GLB1L2: variants seen among roughly 807,000 people sequenced by gnomAD.
GLB1L2 encodes beta-galactosidase-1-like protein 2.
GLB1L2 carries 68 observed loss-of-function variants against 84.1 expected under a neutral mutation model. The observed-to-expected ratio is 0.81, with a 90% CI of 0.67 to 0.99. The LOEUF (loss-of-function observed/expected upper bound fraction) is 0.99, where lower values mean the gene tolerates loss of function less well. Ranked by LOEUF, GLB1L2 falls within the 50% of genes least tolerant of loss-of-function variation. The pLI is 0.00. For missense variants in GLB1L2, 762 were observed against 805.6 expected, an observed-to-expected ratio of 0.95 and a Z score of 0.66; for synonymous variants, 290 against 318.0, an observed-to-expected ratio of 0.91 and a Z score of 0.94.
intron 17 of GLB1L2, 127 bp from the exon 18 acceptor site, chr11:134,374,475 A>G (rs1943998802): frequency 1.2e-6 from 1 of 807,246 alleles, no homozygotes; most frequent in Non-Finnish European, 2.1e-6. Context: ...CCACCTGCCC[A>G]CCCTCATGGC....
intron 8 of GLB1L2, among the ~76,000 whole-genome samples, chr11:134,366,257 CCTT>C (rs1247017664): frequency 1.2e-4 from 18 of 152,198 alleles, no homozygotes; most frequent in Admixed American, 3.3e-4. Context: ...TGGTATGTCT[CCTT>C]CTTGGAAGGT....
intron 10 of GLB1L2, 133 bp downstream of exon 10, chr11:134,368,914 T>TCTA: frequency 3.3e-6 from 3 of 908,390 alleles, no homozygotes; most frequent in Non-Finnish European, 5.0e-6. Flanking sequence ...GAGAAGGTAC[T>TCTA]TGCCTGGACA....
In GLB1L2 at chr11:134,373,733, ATC is replaced by A. The variant is rs1177935850; in HGVS notation, c.1524_1525del (p.Tyr509SerfsTer3). 6.2e-7 allele frequency: 1 copy of A among 1,611,350 alleles called. No individual in the cohort carries two copies. Among genetic ancestry groups the A allele is most frequent in the Admixed American group, 1.7e-5 (1 of 59,844 alleles). Reference sequence around the variant, plus strand: ...CTCCCTCCCACAGGCTTAATTGGAAATCTCTATCTGAATGATTCACCCCTGAA... The same window carrying A: ...CTCCCTCCCACAGGCTTAATTGGAAATCTATCTGAATGATTCACCCCTGAA... On this transcript the variant is annotated frameshift_variant, in exon 16 of 19. Transcript: ENST00000535456. LOFTEE classifies it high-confidence loss of function.
chr11:134,366,482 A>G (rs996348951), intron 8 of GLB1L2, among the ~76,000 whole-genome samples: 4 of 152,286 alleles, frequency 2.6e-5, no homozygotes, highest in Admixed American at 2.0e-4. Context: ...CTGTCACTGA[A>G]TAAGTGAGGA....
chr11:134,371,278 C>T (rs891545421), intron 13 of GLB1L2, 130 bp downstream of exon 13: 12 of 1,291,048 alleles, frequency 9.3e-6, no homozygotes, highest in South Asian at 7.3e-5. Flanking sequence ...GCTCTGTGAG[C>T]CTTCAGGGGG....
chr11:134,341,750 G>T (rs372600412), intron 1 of GLB1L2, among the ~76,000 whole-genome samples: 10 of 152,198 alleles, frequency 6.6e-5, no homozygotes, highest in African/African-American at 2.2e-4. Flanking sequence ...CGATGTCCGA[G>T]CTGTCTTCTG....
Position 134,334,952 on chromosome 11 carries a change from TA to T in GLB1L2, c.86+2808del, listed in dbSNP as rs1344121819. Among the ~76,000 whole-genome samples the T allele has an allele frequency of 6.6e-6, 1 of 152,132 alleles. No homozygotes were observed. Among genetic ancestry groups the T allele is most frequent in the Non-Finnish European group, 1.5e-5 (1 of 68,034 alleles). On this transcript the variant is annotated intron_variant, in intron 1 of 18. Transcript: ENST00000535456. The surrounding 1 kb of genome is among the most constrained non-coding windows in gnomAD (Gnocchi z 4.1). ...CTCATTCATGATTTTTTCCTTAATATAAATGAATCACCGAGCAAGAATACAG... is the reference window on the plus strand; with the variant it reads ...CTCATTCATGATTTTTTCCTTAATATAATGAATCACCGAGCAAGAATACAG...
rs530304754 is a variant in GLB1L2, at chr11:134,370,449, C to A, written c.1215+50C>A. 2.3e-5 allele frequency: 33 copies of A among 1,454,118 alleles called. No homozygotes were observed. The highest frequency in any genetic ancestry group is 8.4e-5 in the Admixed American group (5 of 59,542). The allele number at this position is 1,454,118 out of a possible 1,614,324, so 90.1% of individuals were successfully genotyped here. ...GAGGTGAGTGAGTGCCGGGGGCAGT[C>A]GTTGGCAGGGAGGTGAGTGCTGGGG... On this transcript the variant is annotated intron_variant, in intron 12 of 18. Transcript: ENST00000535456. This position sits in a 1 kb window ranked among gnomAD's most constrained non-coding sequence, Gnocchi z 4.7.
At chr11:134,355,319 T>C (rs1258136154) in intron 5 of GLB1L2, among the ~76,000 whole-genome samples, 1 of 152,236 alleles carries the variant, frequency 6.6e-6, no homozygotes, top group Non-Finnish European at 1.5e-5. Flanking sequence ...GGTGTGTGTG[T>C]TTCTTCAGAT....
rs749450445 is a variant in GLB1L2, at chr11:134,342,775, C to G, written c.108C>G (p.Val36=). Residue 36 remains valine (V), a synonymous_variant, in exon 2 of 19, where the codon GTC becomes GTG. Transcript: ENST00000535456. ...CCAGGCTGGACTGGAGCACCCTGGTCCCTCTGCGGCTCCGCCATCGACAGC... is the reference window on the plus strand; with the variant it reads ...CCAGGCTGGACTGGAGCACCCTGGTGCCTCTGCGGCTCCGCCATCGACAGC... ...VLRRLDWSTL[V]PLRLRHRQLG... 6.2e-7 allele frequency: 1 copy of G among 1,613,922 alleles called. No homozygotes were observed. Among genetic ancestry groups the G allele is most frequent in the East Asian group, 2.2e-5 (1 of 44,864 alleles).
At position 134,375,110 on chromosome 11, in the gene GLB1L2, G is replaced by T. The variant is rs751687426; in HGVS notation, c.*52G>T. 12 of 1,482,058 alleles carry T rather than the reference G, an allele frequency of 8.1e-6. No homozygotes were observed. The highest frequency in any genetic ancestry group is 1.1e-5 in the Non-Finnish European group (12 of 1,069,456). 91.8% of individuals were successfully genotyped at this position (1,482,058 alleles called of 1,614,324 possible). On this transcript the variant is annotated 3_prime_UTR_variant, in exon 19 of 19. Coordinates refer to ENST00000535456, the MANE Select transcript of GLB1L2 (RefSeq NM_001370461.1). ...CAGTGGGAGACTGCCGCCTCCTCTT[G>T]ACCTGAAGCCTGGTGGCTGCTGCCC... is the stretch of plus-strand genomic sequence containing the variant.
chr11:134,353,352 G>A (rs1943658711), intron 5 of GLB1L2, among the ~76,000 whole-genome samples: 1 of 152,182 alleles, frequency 6.6e-6, no homozygotes, highest in Non-Finnish European at 1.5e-5. Flanking sequence ...GGAGGTTGCA[G>A]TGAGCCAAGA....
chr11:134,371,314 C>T, intron 13 of GLB1L2, 107 bp from the exon 14 acceptor site: 1 of 1,193,486 alleles, frequency 8.4e-7, no homozygotes, highest in African/African-American at 1.5e-5. Flanking sequence ...TGCCCACTGG[C>T]CCCTCGTCTG....
intron 6 of GLB1L2, 80 bp from the exon 7 acceptor site, chr11:134,358,980 C>G (rs889109293): frequency 1.1e-5 from 11 of 979,414 alleles, no homozygotes; most frequent in Non-Finnish European, 1.7e-5. Context: ...GCTCTTCAGG[C>G]TACCCAACTG....
At chr11:134,371,247 G>T in intron 13 of GLB1L2, 99 bp downstream of exon 13, 1 of 1,453,896 alleles carries the variant, frequency 6.9e-7, no homozygotes, top group South Asian at 1.2e-5. Flanking sequence ...ACCAGTGTGT[G>T]ACAATGGCCC....
chr11:134,344,770 C>T (rs1007453860), intron 3 of GLB1L2, among the ~76,000 whole-genome samples: 1 of 152,256 alleles, frequency 6.6e-6, no homozygotes, highest in African/African-American at 2.4e-5. Context: ...GCTAGCAAGG[C>T]TATGGGGTCA....
In GLB1L2 at chr11:134,374,127, T is replaced by A. The variant is rs774063024; in HGVS notation, c.1596-18T>A. On this transcript the variant is annotated intron_variant, in intron 16 of 18. Transcript: ENST00000535456. ...GAGAAGGGCCTCCTCCCTCTCCTTC[T>A]CTGTGTTCTGTCCTTAGGTTCGGCC... The A allele has an allele frequency of 1.9e-6, 3 of 1,571,590 alleles. No individual in the cohort carries two copies. Among genetic ancestry groups the A allele is most frequent in the Non-Finnish European group, 2.6e-6 (3 of 1,141,622 alleles).
intron 1 of GLB1L2, 67 bp from the exon 2 acceptor site, chr11:134,342,687 G>C: frequency 6.7e-7 from 1 of 1,484,038 alleles, no homozygotes; most frequent in Non-Finnish European, 9.2e-7. Flanking sequence ...GACCTGCGAA[G>C]GGGCGAGGAA....
In GLB1L2 at chr11:134,359,150, A is replaced by G. The variant is rs1243053571; in HGVS notation, c.733+9A>G. 6 of 1,588,550 alleles carry G rather than the reference A, an allele frequency of 3.8e-6. No individual in the cohort carries two copies. Among genetic ancestry groups the G allele is most frequent in the Non-Finnish European group, 5.1e-6 (6 of 1,166,414 alleles). On this transcript the variant is annotated intron_variant, in intron 7 of 18. Coordinates refer to ENST00000535456, the MANE Select transcript of GLB1L2 (RefSeq NM_001370461.1). ...GGGGATTGTCCAGGGAGGTAACTGCACTTGTGTTGGGCCGTGGGGGCTGGC... is the reference window on the plus strand; with the variant it reads ...GGGGATTGTCCAGGGAGGTAACTGCGCTTGTGTTGGGCCGTGGGGGCTGGC...
Sources: gnomAD v4.1 joint callset for allele counts (sites outside exome capture counted in the v4.1 genomes callset) on GRCh38, gnomAD v4.1.1 for gene constraint, Gnocchi (gnomAD v3.1) non-coding constraint, MANE v1.5 for transcripts, NCBI Gene and HGNC (gene_info 2026-07-23, HGNC 2026-07-21) for gene names.